The following EAPP variants were observed in gnomAD, a reference collection of about 807,000 sequenced individuals.
The protein encoded by EAPP is E2F associated phosphoprotein.
In EAPP, 38 loss-of-function variants were observed where a neutral mutation model predicts 34.3. The ratio of observed to expected loss-of-function variants is 1.11; its 90% CI spans 0.85 to 1.45. EAPP has a LOEUF of 1.45. EAPP is among the 40% of genes most tolerant of loss of function. EAPP has a pLI of 0.00. For synonymous variants in EAPP, 113 were observed against 117.6 expected (o/e 0.96, Z 0.25); for missense variants, 338 against 343.7 (o/e 0.98, Z 0.13).
intron 3 of EAPP, among the ~76,000 whole-genome samples, chr14:34,529,713 C>G (rs761122965): frequency 1.3e-5 from 2 of 151,994 alleles, no homozygotes; most frequent in Non-Finnish European, 2.9e-5. Context: ...AACCCCGTCT[C>G]TACTAAAAAT....
chr14:34,535,535 C>T (rs2138224766), intron 2 of EAPP, among the ~76,000 whole-genome samples: 1 of 151,236 alleles, frequency 6.6e-6, no homozygotes, highest in African/African-American at 2.4e-5. Context: ...TGGGTTCATG[C>T]CATTCTCCTG....
intron 5 of EAPP, among the ~76,000 whole-genome samples, chr14:34,519,880 CTTTTCTTTTTT>C (rs1879857512): frequency 7.0e-6 from 1 of 143,530 alleles, no homozygotes; most frequent in Non-Finnish European, 1.5e-5. Flanking sequence ...AAGGTTCTTT[CTTTTCTTTTTT>C]TTTTTTTTTT....
At chr14:34,538,584 ATT>A (rs11376591) in intron 1 of EAPP, among the ~76,000 whole-genome samples, 1 of 146,530 alleles carries the variant, frequency 6.8e-6, no homozygotes. Context: ...TGTTCTTTTG[ATT>A]TTTTTTTTTT....
Position 34,536,378 on chromosome 14 carries a change from G to T in EAPP, c.75-103C>A, listed in dbSNP as rs1880474976. ...CAACAACAATTTTAAGTATTACATG[G>T]TTACATTTGATGTACTTATACATTA... On this transcript the variant is annotated intron_variant, in intron 1 of 5. Coordinates refer to ENST00000250454, the MANE Select transcript of EAPP (RefSeq NM_018453.4). 12 of 849,010 alleles carry T rather than the reference G, an allele frequency of 1.4e-5. No homozygotes were observed. In the East Asian group the frequency reaches 3.1e-4, roughly 22 times the overall value. The allele number at this position is 849,010 out of a possible 1,614,324, so 52.6% of individuals were successfully genotyped here.
intron 3 of EAPP, among the ~76,000 whole-genome samples, chr14:34,531,388 G>A (rs1351770699): frequency 1.3e-5 from 2 of 152,078 alleles, no homozygotes; most frequent in Non-Finnish European, 2.9e-5. Flanking sequence ...GGATCACGAG[G>A]TCAGGAGATC....
chr14:34,516,255 C>T lies in EAPP; in HGVS notation c.*55G>A, dbSNP rs1879713733. The T allele has an allele frequency of 6.7e-7, 1 of 1,488,272 alleles. No homozygotes were observed. Among genetic ancestry groups the T allele is most frequent in the Non-Finnish European group, 9.1e-7 (1 of 1,104,104 alleles). 92.2% of individuals were successfully genotyped at this position (1,488,272 alleles called of 1,614,324 possible). The stretch of plus-strand genomic sequence containing the variant: ...ATATGAACAGGCAAGAGGAAAGTAA[C>T]TGTCCATATTTGCCTTATATACAGT... On this transcript the variant is annotated 3_prime_UTR_variant, in exon 6 of 6. Coordinates refer to ENST00000250454, the MANE Select transcript of EAPP (RefSeq NM_018453.4).
intron 5 of EAPP, among the ~76,000 whole-genome samples, chr14:34,520,214 T>C (rs1452838105): frequency 1.3e-5 from 2 of 149,536 alleles, no homozygotes; most frequent in African/African-American, 4.9e-5. Context: ...TCTTTATTTT[T>C]TTCTTCTTTT....
At chr14:34,519,599 G>A (rs1461497679) in intron 5 of EAPP, among the ~76,000 whole-genome samples, 9 of 151,610 alleles carry the variant, frequency 5.9e-5, no homozygotes, top group Middle Eastern at 3.2e-3. Flanking sequence ...GTGGAATTAT[G>A]AGCCAATTAA....
chr14:34,529,114 C>T lies in EAPP; in HGVS notation c.470+244G>A, dbSNP rs182652848. 3.8e-3 allele frequency among the ~76,000 whole-genome samples: 572 copies of T among 151,702 alleles called. 4 individuals carry two copies. The highest frequency in any genetic ancestry group is 0.013 in the African/African-American group (541 of 41,362). On this transcript the variant is annotated intron_variant, in intron 4 of 5. Coordinates refer to ENST00000250454, the MANE Select transcript of EAPP (RefSeq NM_018453.4). ...TCGCGCCACTGCACTCCAGCCCAGG[C>T]GACAGTGCAAGACTCTGTCTCAAAA...
intron 1 of EAPP, among the ~76,000 whole-genome samples, chr14:34,538,783 A>T (rs765585098): frequency 2.0e-5 from 3 of 152,194 alleles, no homozygotes; most frequent in Non-Finnish European, 4.4e-5. Context: ...TTTAAAGTTT[A>T]AGAATAGGAT....
chr14:34,535,426 G>A (rs111367409), intron 2 of EAPP, among the ~76,000 whole-genome samples: 1,878 of 141,278 alleles, frequency 0.013, 45 homozygotes, highest in African/African-American at 0.045. Flanking sequence ...CACTGCACCC[G>A]GTCGCTACAG....
At chr14:34,527,565 C>T (rs956403026) in intron 4 of EAPP, among the ~76,000 whole-genome samples, 1 of 152,078 alleles carries the variant, frequency 6.6e-6, no homozygotes, top group Non-Finnish European at 1.5e-5. Flanking sequence ...ATCCATCCCT[C>T]AGTGGATGAA....
At chr14:34,527,301 T>C (rs12883317) in intron 4 of EAPP, among the ~76,000 whole-genome samples, 124,055 of 151,954 alleles carry the variant, frequency 0.82, 50,881 homozygotes, top group Non-Finnish European at 0.85. Flanking sequence ...GACCTCTCTA[T>C]TAAAAAAATT....
chr14:34,532,046 A>T (rs1399359565), intron 3 of EAPP, among the ~76,000 whole-genome samples: 4 of 151,420 alleles, frequency 2.6e-5, no homozygotes, highest in African/African-American at 9.7e-5. Context: ...ACTGCACTCC[A>T]GCCTGGGTGA....
At chr14:34,539,382 C>T (rs1055194182) in intron 1 of EAPP, 173 bp downstream of exon 1, 17 of 735,044 alleles carry the variant, frequency 2.3e-5, no homozygotes, top group Non-Finnish European at 4.1e-5. Flanking sequence ...ACCGCCTCCC[C>T]CCGGGACTGC....
Position 34,539,696 on chromosome 14 carries a change from G to C in EAPP, c.-68C>G. On this transcript the variant is annotated 5_prime_UTR_variant, in exon 1 of 6. Coordinates refer to ENST00000250454, the MANE Select transcript of EAPP (RefSeq NM_018453.4). ...CGTCTCTGTTTACACTGCAAGTCCA[G>C]TCCCTAAAGCGCCCCTGACGCCACT... The C allele has an allele frequency of 1.4e-6, 2 of 1,435,690 alleles. No individual in the cohort carries two copies. Among genetic ancestry groups the C allele is most frequent in the Non-Finnish European group, 9.2e-7 (1 of 1,081,882 alleles). 88.9% of individuals were successfully genotyped at this position (1,435,690 alleles called of 1,614,324 possible).
intron 3 of EAPP, among the ~76,000 whole-genome samples, chr14:34,530,894 C>CA (rs1880261840): frequency 1.9e-5 from 1 of 51,640 alleles, no homozygotes; most frequent in South Asian, 6.7e-4. Flanking sequence ...AAGCAAGACC[C>CA]AATCTTTACC....
rs187279586 is a variant in EAPP at position 34,522,855 on chromosome 14, T to C, written c.581+1842A>G. The stretch of plus-strand genomic sequence containing the variant: ...TCTGGCTATCCTCAGGGATATTTTT[T>C]CCTTCAGGCACTCTCAGTGCTTCCT... On this transcript the variant is annotated intron_variant, in intron 5 of 5. Transcript: ENST00000250454. Among the ~76,000 whole-genome samples, 739 of 152,262 alleles carry C rather than the reference T, an allele frequency of 4.9e-3. 1 individual carries two copies. Among genetic ancestry groups the C allele is most frequent in the Non-Finnish European group, 7.7e-3 (527 of 68,028 alleles).
chr14:34,535,655 A>G (rs961453760), intron 2 of EAPP, among the ~76,000 whole-genome samples: 2 of 143,286 alleles, frequency 1.4e-5, no homozygotes, highest in Non-Finnish European at 3.0e-5. Context: ...GATGGTCTCA[A>G]TCTCCTGACC....
Sources: gnomAD v4.1 joint callset for allele counts (sites outside exome capture counted in the v4.1 genomes callset) on GRCh38, gnomAD v4.1.1 for gene constraint, MANE v1.5 for transcripts, NCBI Gene and HGNC (gene_info 2026-07-23, HGNC 2026-07-21) for gene names.